OSBPL1A: variants seen among roughly 807,000 people sequenced by gnomAD.
The protein encoded by OSBPL1A is oxysterol-binding protein-related protein 1.
In OSBPL1A, 80 loss-of-function variants were observed where a neutral mutation model predicts 137.1. That is an observed-to-expected ratio of 0.58 (90% CI 0.49 to 0.70). OSBPL1A has a LOEUF of 0.70. OSBPL1A is among the 30% of genes least tolerant of loss of function. The pLI, the probability that OSBPL1A is intolerant of heterozygous loss-of-function variation, is 0.00. For missense variants in OSBPL1A, 970 were observed against 1,129.4 expected, an observed-to-expected ratio of 0.86 and a Z score of 2.02; for synonymous variants, 365 against 389.7, an observed-to-expected ratio of 0.94 and a Z score of 0.75.
intron 18 of OSBPL1A, among the ~76,000 whole-genome samples, chr18:24,193,375 C>G (rs1325151785): frequency 6.6e-6 from 1 of 151,654 alleles, no homozygotes; most frequent in Non-Finnish European, 1.5e-5. Context: ...GTAGTCCCAG[C>G]TACTCGGGAG....
rs1905324547 is a variant in OSBPL1A at position 24,368,281 on chromosome 18, A to G, written c.207+6T>C. On this transcript the variant is annotated splice_donor_region_variant and intron_variant, in intron 3 of 27. Transcript: ENST00000319481. ...TAGTCATTAAAAATTAAAGTCATAA[A>G]TAGACCTTCAACAGATCCTGGACCA... 1.2e-6 allele frequency: 2 copies of G among 1,601,010 alleles called. No individual in the cohort carries two copies. The highest frequency in any genetic ancestry group is 1.3e-5 in the African/African-American group (1 of 74,606).
At chr18:24,226,109 T>C (rs892363615) in intron 16 of OSBPL1A, among the ~76,000 whole-genome samples, 2 of 152,244 alleles carry the variant, frequency 1.3e-5, no homozygotes, top group African/African-American at 2.4e-5. Flanking sequence ...ACATTTCCAA[T>C]TGGCTATATA....
intron 17 of OSBPL1A, among the ~76,000 whole-genome samples, chr18:24,198,140 G>A (rs1272884581): frequency 2.0e-5 from 3 of 152,170 alleles, no homozygotes; most frequent in African/African-American, 4.8e-5. Context: ...AGCATACCTA[G>A]AGAGTTATGA....
intron 1 of OSBPL1A, among the ~76,000 whole-genome samples, chr18:24,390,694 C>CAAAAAAAAAAAAAAAAAAAAAAAAAA (rs751432894): frequency 1.8e-5 from 1 of 56,212 alleles, no homozygotes; most frequent in African/African-American, 7.1e-5. Context: ...GACTCCGTCT[C>CAAAAAAAAAAAAAAAAAAAAAAAAAA]AAAAAAAAAA....
intron 7 of OSBPL1A, among the ~76,000 whole-genome samples, chr18:24,331,480 T>C: frequency 6.7e-6 from 1 of 149,922 alleles, no homozygotes; most frequent in Non-Finnish European, 1.5e-5. Flanking sequence ...CACTGCAAGC[T>C]CCGCCTCCCG....
chr18:24,305,995 G>A (rs1043581517), intron 13 of OSBPL1A, among the ~76,000 whole-genome samples: 2 of 152,162 alleles, frequency 1.3e-5, no homozygotes, highest in African/African-American at 4.8e-5. Context: ...TCTGGGGTAT[G>A]TCTTTATTAG....
intron 7 of OSBPL1A, 136 bp from the exon 8 acceptor site, chr18:24,318,945 C>T: frequency 2.7e-6 from 2 of 742,602 alleles, no homozygotes; most frequent in African/African-American, 3.5e-5. Flanking sequence ...AATTACCTAC[C>T]AGAGAGAGGT....
intron 1 of OSBPL1A, among the ~76,000 whole-genome samples, chr18:24,394,956 T>C (rs1004282945): frequency 9.9e-5 from 15 of 152,210 alleles, no homozygotes; most frequent in African/African-American, 3.6e-4. Flanking sequence ...CCCTTAATAC[T>C]GACAGTACCA....
At chr18:24,369,527 C>T (rs755895959) in intron 2 of OSBPL1A, among the ~76,000 whole-genome samples, 2 of 152,072 alleles carry the variant, frequency 1.3e-5, no homozygotes, top group Non-Finnish European at 2.9e-5. Context: ...TTCACAGCTA[C>T]TGTAGATAGC....
At chr18:24,334,196 G>T in intron 6 of OSBPL1A, 49 bp downstream of exon 6, 1 of 1,510,172 alleles carries the variant, frequency 6.6e-7, no homozygotes, top group Non-Finnish European at 9.0e-7. Flanking sequence ...TTCCTGAAGT[G>T]TAAAGAAAGA....
intron 15 of OSBPL1A, among the ~76,000 whole-genome samples, chr18:24,257,877 C>A (rs537052891): frequency 2.0e-5 from 3 of 152,086 alleles, no homozygotes; most frequent in African/African-American, 4.8e-5. Flanking sequence ...TATGAAAAGG[C>A]GCTCAACATC....
chr18:24,395,998 A>G (rs919700930), intron 1 of OSBPL1A, among the ~76,000 whole-genome samples: 1 of 150,432 alleles, frequency 6.6e-6, no homozygotes, highest in Non-Finnish European at 1.5e-5. Flanking sequence ...AGGCAGGCGG[A>G]TCATAAGGTC....
In OSBPL1A at chr18:24,323,539, CTT is replaced by C. The variant is rs763234169; in HGVS notation, c.626-4732_626-4731del. Among the ~76,000 whole-genome samples the C allele has an allele frequency of 5.1e-4, 18 of 35,152 alleles. 4 individuals are homozygous for C. The highest frequency in any genetic ancestry group is 0.015 in the Middle Eastern group (1 of 66). The allele number at this position is 35,152 out of a possible 152,430, so 23.1% of individuals were successfully genotyped here. A position where few individuals can be genotyped will look rare whatever the true frequency, so the allele number is the denominator to read the frequency against. ...ACACCCAGCCAGGGTGAGGCTTTTT[CTT>C]TTTTTTTTTTTTTTTTTTTTATTAT... On this transcript the variant is annotated intron_variant, in intron 7 of 27. Transcript: ENST00000319481.
intron 4 of OSBPL1A, among the ~76,000 whole-genome samples, chr18:24,363,281 G>A (rs2091651762): frequency 1.3e-5 from 2 of 152,110 alleles, no homozygotes; most frequent in Admixed American, 1.3e-4. Flanking sequence ...AAGGGCTCTA[G>A]GGGAGAATTC....
rs545024514 is a variant in OSBPL1A, at chr18:24,175,778, G to A, written c.2093+2235C>T. Among the ~76,000 whole-genome samples the A allele has an allele frequency of 2.3e-4, 35 of 152,152 alleles. No homozygotes were observed. In the South Asian group the frequency reaches 5.4e-3, roughly 23 times the overall value. On this transcript the variant is annotated intron_variant, in intron 21 of 27. Coordinates refer to ENST00000319481, the MANE Select transcript of OSBPL1A (RefSeq NM_080597.4). The stretch of plus-strand genomic sequence containing the variant: ...CAAAACCCTTAGTTTTACATTTTAC[G>A]TAAATGATCTATTTTGAGCTGATTT...
chr18:24,372,658 C>T (rs998945593), intron 2 of OSBPL1A, among the ~76,000 whole-genome samples: 19 of 152,214 alleles, frequency 1.2e-4, no homozygotes, highest in Non-Finnish European at 2.4e-4. Flanking sequence ...ATTGCCACTG[C>T]GTCTGCCCCC....
chr18:24,360,397 C>T (rs1384486990), intron 4 of OSBPL1A, among the ~76,000 whole-genome samples: 1 of 152,168 alleles, frequency 6.6e-6, no homozygotes, highest in African/African-American at 2.4e-5. Context: ...TTAAAATTAT[C>T]TTCATGGTAA....
At chr18:24,237,770 C>T (rs552351067) in intron 16 of OSBPL1A, among the ~76,000 whole-genome samples, 199 of 152,268 alleles carry the variant, frequency 1.3e-3, no homozygotes, top group African/African-American at 4.5e-3. Context: ...ACAAGGTGGA[C>T]GTGTAATAAA....
At chr18:24,306,434 A>G (rs1194139419) in intron 13 of OSBPL1A, among the ~76,000 whole-genome samples, 2 of 152,196 alleles carry the variant, frequency 1.3e-5, no homozygotes, top group East Asian at 3.9e-4. Flanking sequence ...GAAAATCCAC[A>G]TTTGGTTAAT....
Sources: allele counts gnomAD v4.1 joint callset (sites outside exome capture counted in the v4.1 genomes callset), GRCh38; gene constraint gnomAD v4.1.1; transcripts MANE v1.5; gene names NCBI Gene and HGNC (gene_info 2026-07-23, HGNC 2026-07-21).